Variants in UBXN2A observed in about 807,000 individuals in gnomAD.
The protein encoded by UBXN2A is UBX domain protein 2A, also known as UBX domain-containing protein 2A.
In UBXN2A, 28 loss-of-function variants were observed where a neutral mutation model predicts 28.4. The observed-to-expected ratio is 0.99, with a 90% CI of 0.73 to 1.35. The LOEUF is 1.35. UBXN2A is among the 40% of genes most tolerant of loss of function. The pLI is 0.00. For missense variants in UBXN2A, 253 were observed against 297.9 expected (o/e 0.85, Z 1.11); for synonymous variants, 97 against 103.6 (o/e 0.94, Z 0.39).
chr2:23,967,681 A>C (rs569266141), intron 2 of UBXN2A, among the ~76,000 whole-genome samples: 4 of 152,322 alleles, frequency 2.6e-5, no homozygotes, highest in African/African-American at 9.6e-5. Flanking sequence ...AATATGCTAT[A>C]CTGCTATGTG....
At chr2:23,978,653 A>AG in intron 4 of UBXN2A, among the ~76,000 whole-genome samples, 1 of 150,582 alleles carries the variant, frequency 6.6e-6, no homozygotes, top group East Asian at 2.0e-4. Context: ...CAAAAAAAAA[A>AG]AAATTTTGTT....
At position 23,982,772 on chromosome 2, in the gene UBXN2A, C is replaced by T. The variant is rs765392622; in HGVS notation, c.288-124C>T. On this transcript the variant is annotated intron_variant, in intron 4 of 6. Coordinates refer to ENST00000309033, the MANE Select transcript of UBXN2A (RefSeq NM_181713.4). ...TTGTTTTGAATACATTTAGTTATTT[C>T]ATTGTATAGAATATTATATATTTCT... 5.7e-4 allele frequency: 559 copies of T among 981,892 alleles called. 1 individual carries two copies. Among genetic ancestry groups the T allele is most frequent in the Middle Eastern group, 7.3e-4 (2 of 2,744 alleles). The allele number at this position is 981,892 out of a possible 1,614,324, so 60.8% of individuals were successfully genotyped here. A position where few individuals can be genotyped will look rare whatever the true frequency, so the allele number is the denominator to read the frequency against.
chr2:23,958,254 G>T, intron 1 of UBXN2A, 47 bp from the exon 2 acceptor site: 1 of 1,506,306 alleles, frequency 6.6e-7, no homozygotes, highest in Non-Finnish European at 9.0e-7. Context: ...TACATATTAA[G>T]CTTTTTACTT....
chr2:23,965,542 G>A (rs913773638), intron 2 of UBXN2A, among the ~76,000 whole-genome samples: 1 of 152,170 alleles, frequency 6.6e-6, no homozygotes, highest in African/African-American at 2.4e-5. Flanking sequence ...TTAAACCACT[G>A]CAGCCTCGCA....
At chr2:23,957,341 T>G (rs1183909117) in intron 1 of UBXN2A, among the ~76,000 whole-genome samples, 1 of 152,086 alleles carries the variant, frequency 6.6e-6, no homozygotes, top group East Asian at 1.9e-4. Context: ...CTTGTTCTGT[T>G]GCCCAGGCTG....
At chr2:23,992,150 T>C (rs577665775) in intron 6 of UBXN2A, among the ~76,000 whole-genome samples, 1 of 152,232 alleles carries the variant, frequency 6.6e-6, no homozygotes, top group South Asian at 2.1e-4. Flanking sequence ...TTTTGTATTT[T>C]TAGTAGAGAT....
chr2:23,933,509 A>G (rs1385761151), intron 1 of UBXN2A, among the ~76,000 whole-genome samples: 3 of 152,082 alleles, frequency 2.0e-5, no homozygotes, highest in African/African-American at 7.3e-5. Context: ...TCTATCTCAA[A>G]TAAATAAATA....
At chr2:23,965,158 G>A in intron 2 of UBXN2A, among the ~76,000 whole-genome samples, 1 of 152,110 alleles carries the variant, frequency 6.6e-6, no homozygotes, top group Non-Finnish European at 1.5e-5. Flanking sequence ...TGGGATAATA[G>A]GCATGAGCCA....
intron 2 of UBXN2A, among the ~76,000 whole-genome samples, chr2:23,968,464 CA>C (rs1375839191): frequency 6.6e-6 from 1 of 151,944 alleles, no homozygotes; most frequent in Non-Finnish European, 1.5e-5. Context: ...ATCACGAGGT[CA>C]GATCGAGATA....
Position 23,950,398 on chromosome 2 carries a change from T to TTTA in UBXN2A, c.-14-7890_-14-7888dup, listed in dbSNP as rs1706306440. ...TGGAAATATTTTATTTTATTTTTAT[T>TTTA]TTATTATTATTATTACTGTTTTTGA... On this transcript the variant is annotated intron_variant, in intron 1 of 6. Transcript: ENST00000309033. Among the ~76,000 whole-genome samples the TTTA allele has an allele frequency of 2.6e-5, 4 of 152,086 alleles. No homozygotes were observed. The South Asian group carries it at 6.2e-4, about 24-fold the overall frequency.
chr2:23,971,373 G>A lies in UBXN2A; in HGVS notation c.139G>A (p.Val47Ile), dbSNP rs1197324010. Residue 47 changes from valine (V) to isoleucine (I), a missense_variant, in exon 3 of 7, where the codon GTT becomes ATT. Transcript: ENST00000309033. ...VDSLFEEAQK[V>I]SSKCVSPAEQ... ...TAGCCTTTTTGAGGAAGCTCAGAAG[G>A]TTAGTTCCAAATGTGTGTCTCCCGC... is the stretch of plus-strand genomic sequence containing the variant. The A allele has an allele frequency of 1.3e-6, 2 of 1,575,526 alleles. No homozygotes were observed. The highest frequency in any genetic ancestry group is 3.4e-5 in the Admixed American group (2 of 59,388).
intron 2 of UBXN2A, among the ~76,000 whole-genome samples, chr2:23,965,258 G>A (rs55982282): frequency 0.11 from 16,683 of 152,180 alleles, 1,005 homozygotes; most frequent in Middle Eastern, 0.18. Flanking sequence ...CAACACTGAT[G>A]AGGAATGGTG....
At chr2:23,969,307 C>T (rs758217791) in intron 2 of UBXN2A, among the ~76,000 whole-genome samples, 10 of 152,122 alleles carry the variant, frequency 6.6e-5, no homozygotes, top group South Asian at 2.1e-4. Flanking sequence ...GAAACAGACA[C>T]GGGAGGATTG....
chr2:23,970,953 C>T (rs180815750), intron 2 of UBXN2A, among the ~76,000 whole-genome samples: 156 of 152,238 alleles, frequency 1.0e-3, no homozygotes, highest in Non-Finnish European at 1.8e-3. Flanking sequence ...GCTTGTTCGC[C>T]TGTCACTCAC....
rs560434615 is a variant in UBXN2A, at chr2:23,972,059, A to C, written c.180+645A>C. On this transcript the variant is annotated intron_variant, in intron 3 of 6. Transcript: ENST00000309033. ...GGCTGCAGTGAGCCATGACCGCACC[A>C]CTGCACTCCAGCCTGGGTGACAGAG... 2.0e-5 allele frequency among the ~76,000 whole-genome samples: 3 copies of C among 152,210 alleles called. No individual in the cohort carries two copies. The South Asian group carries it at 6.2e-4, about 32-fold the overall frequency.
intron 1 of UBXN2A, among the ~76,000 whole-genome samples, chr2:23,928,639 T>G (rs569710832): frequency 6.6e-6 from 1 of 151,886 alleles, no homozygotes; most frequent in Admixed American, 6.6e-5. Context: ...GGGCAGGAGT[T>G]TATTAAACTG....
At chr2:23,998,868 C>A (rs1708642923) in intron 6 of UBXN2A, among the ~76,000 whole-genome samples, 2 of 152,286 alleles carry the variant, frequency 1.3e-5, no homozygotes, top group Middle Eastern at 6.8e-3. Context: ...GCAGCTGGAC[C>A]TGTCTTTTAA....
chr2:23,956,049 G>C (rs1573551312), intron 1 of UBXN2A, among the ~76,000 whole-genome samples: 2 of 152,084 alleles, frequency 1.3e-5, no homozygotes, highest in Admixed American at 1.3e-4. Context: ...ATTTTTAGTA[G>C]AGATGGGTTT....
chr2:23,968,588 G>T (rs1202810175), intron 2 of UBXN2A, among the ~76,000 whole-genome samples: 2 of 151,562 alleles, frequency 1.3e-5, no homozygotes. Context: ...CAGGAGAATG[G>T]CATGAACCCA....
Sources: gnomAD v4.1 joint callset for allele counts (sites outside exome capture counted in the v4.1 genomes callset) on GRCh38, gnomAD v4.1.1 for gene constraint, MANE v1.5 for transcripts, NCBI Gene and HGNC (gene_info 2026-07-23, HGNC 2026-07-21) for gene names.